The following COL5A1 variants were observed in gnomAD, a reference collection of about 807,000 sequenced individuals.
COL5A1 encodes the protein collagen type V alpha 1 chain.
Under a neutral mutation model 263.7 loss-of-function variants are expected in COL5A1, and 16 were observed. That is an observed-to-expected ratio of 0.06 (90% CI 0.04 to 0.09). The LOEUF is 0.09. COL5A1 is among the 10% of genes least tolerant of loss of function. COL5A1 has a pLI of 1.00. For synonymous variants in COL5A1, 1,012 were observed against 1,004.5 expected, an observed-to-expected ratio of 1.01 and a Z score of -0.14; for missense variants, 2,036 against 2,540.5, an observed-to-expected ratio of 0.80 and a Z score of 4.27.
chr9:134,806,339 G>T lies in COL5A1; in HGVS notation c.3366+43G>T, dbSNP rs370150486. ...TTGGGGGAGCCCTTCCCTCAGAGAT[G>T]CTGGGGTCGTTCCGTGTCTGGCCTT... is the stretch of plus-strand genomic sequence containing the variant. On this transcript the variant is annotated intron_variant, in intron 42 of 65. Coordinates refer to ENST00000371817, the MANE Select transcript of COL5A1 (RefSeq NM_000093.5). The T allele has an allele frequency of 5.7e-6, 8 of 1,403,906 alleles. No homozygotes were observed. The South Asian group carries it at 9.9e-5, about 17-fold the overall frequency. 87.0% of individuals were successfully genotyped at this position (1,403,906 alleles called of 1,614,324 possible).
chr9:134,805,128 G>T (rs201582570), intron 40 of COL5A1, 33 bp from the exon 41 acceptor site: 2 of 1,613,866 alleles, frequency 1.2e-6, no homozygotes, highest in Non-Finnish European at 1.7e-6. Flanking sequence ...CTCTCCCCAC[G>T]TGCCCTTGAC....
At chr9:134,766,872 T>C in intron 22 of COL5A1, 128 bp from the exon 23 acceptor site, 1 of 942,340 alleles carries the variant, frequency 1.1e-6, no homozygotes, top group Non-Finnish European at 1.7e-6. Flanking sequence ...GCCTTTCCCT[T>C]CCCGCTGGCA....
chr9:134,826,044 C>T (rs904752370), intron 63 of COL5A1, 140 bp downstream of exon 63: 1 of 584,914 alleles, frequency 1.7e-6, no homozygotes, highest in Non-Finnish European at 3.1e-6. Flanking sequence ...TGAAACTGTT[C>T]TTTCAGAAGT....
At chr9:134,731,425 C>A in intron 7 of COL5A1, 71 bp from the exon 8 acceptor site, 1 of 1,526,292 alleles carries the variant, frequency 6.6e-7, no homozygotes, top group Non-Finnish European at 9.0e-7. Context: ...CAGTGCCCGC[C>A]CAGGGCCTGA....
chr9:134,760,297 ACC>A (rs1186561511), intron 18 of COL5A1, among the ~76,000 whole-genome samples: 1 of 46,690 alleles, frequency 2.1e-5, no homozygotes, highest in Non-Finnish European at 3.6e-5. Context: ...ACACCCCCAC[ACC>A]CCCCACACAT....
In COL5A1 at chr9:134,758,335, G is replaced by A. The variant is rs1466851481; in HGVS notation, c.1935+39G>A. The A allele has an allele frequency of 6.2e-7, 1 of 1,602,606 alleles. No individual in the cohort carries two copies. The highest frequency in any genetic ancestry group is 2.2e-5 in the East Asian group (1 of 44,822). ...CTGTGAGACACAGGCATGACGATGG[G>A]CAGCAGAGGTGTCTCTCGGGAGGCC... is the stretch of plus-strand genomic sequence containing the variant. On this transcript the variant is annotated intron_variant, in intron 18 of 65. Coordinates refer to ENST00000371817, the MANE Select transcript of COL5A1 (RefSeq NM_000093.5). The surrounding 1 kb of genome is among the most constrained non-coding windows in gnomAD (Gnocchi z 4.1).
At chr9:134,810,513 GA>G (rs1838484563) in intron 44 of COL5A1, 1 of 583,956 alleles carries the variant, frequency 1.7e-6, no homozygotes, top group Non-Finnish European at 3.1e-6. Context: ...CTCTGTGTTA[GA>G]ATGAACAGGA....
intron 28 of COL5A1, among the ~76,000 whole-genome samples, chr9:134,780,794 C>T (rs1285307981): frequency 3.9e-5 from 6 of 152,238 alleles, no homozygotes; most frequent in Non-Finnish European, 7.3e-5. Context: ...TTTCTCTTCT[C>T]ACTGTGGTGG....
intron 21 of COL5A1, among the ~76,000 whole-genome samples, chr9:134,766,043 G>T (rs559919778): frequency 1.3e-5 from 2 of 152,316 alleles, no homozygotes; most frequent in South Asian, 4.1e-4. Flanking sequence ...AGGATGTCAC[G>T]TTTCTTCCCT....
chr9:134,812,074 T>C (rs1193253117), intron 46 of COL5A1, among the ~76,000 whole-genome samples: 1 of 152,222 alleles, frequency 6.6e-6, no homozygotes, highest in African/African-American at 2.4e-5. Context: ...TACGAGTGTG[T>C]TGAATGCCAT....
intron 11 of COL5A1, among the ~76,000 whole-genome samples, chr9:134,749,237 A>G (rs1835686695): frequency 6.6e-6 from 1 of 152,158 alleles, no homozygotes; most frequent in East Asian, 1.9e-4. Context: ...TCTGTCTCAA[A>G]ACAAAACAAA....
chr9:134,835,260 C>A, intron 65 of COL5A1, 56 bp downstream of exon 65: 1 of 1,483,394 alleles, frequency 6.7e-7, no homozygotes, highest in African/African-American at 1.4e-5. Context: ...GGGGCTCGCT[C>A]CTCACTCAGC....
intron 49 of COL5A1, among the ~76,000 whole-genome samples, chr9:134,814,387 C>G (rs527452414): frequency 6.6e-6 from 1 of 152,332 alleles, no homozygotes; most frequent in African/African-American, 2.4e-5. Context: ...GATGAATGTT[C>G]ACTATGAGGC....
At chr9:134,767,254 G>A in intron 23 of COL5A1, 56 bp from the exon 24 acceptor site, 6 of 1,572,248 alleles carry the variant, frequency 3.8e-6, no homozygotes, top group Non-Finnish European at 5.3e-6. Flanking sequence ...GGCAGGGGAG[G>A]GTTCTGAGTC....
At chr9:134,727,426 G>A in intron 5 of COL5A1, 29 bp downstream of exon 5, 5 of 1,613,734 alleles carry the variant, frequency 3.1e-6, no homozygotes, top group Non-Finnish European at 4.2e-6. Flanking sequence ...GGATCTTGGG[G>A]AGCATGAGCA....
At chr9:134,804,533 C>A (rs1008813341) in intron 39 of COL5A1, among the ~76,000 whole-genome samples, 1 of 152,218 alleles carries the variant, frequency 6.6e-6, no homozygotes, top group African/African-American at 2.4e-5. Flanking sequence ...CCCTCAGCTC[C>A]CACATGGCCC....
chr9:134,811,665 C>T, intron 46 of COL5A1, 66 bp downstream of exon 46: 3 of 1,293,706 alleles, frequency 2.3e-6, no homozygotes, highest in Admixed American at 2.0e-5. Context: ...CTTCATTGTG[C>T]TCTCTCCTCT....
chr9:134,836,877 C>G (rs968334473), intron 65 of COL5A1, among the ~76,000 whole-genome samples: 10 of 152,240 alleles, frequency 6.6e-5, no homozygotes, highest in African/African-American at 2.4e-5. Context: ...CTGCCTTCTG[C>G]GATTGGTTGG....
chr9:134,724,595 A>C (rs546571375), intron 4 of COL5A1, among the ~76,000 whole-genome samples: 25 of 152,370 alleles, frequency 1.6e-4, no homozygotes, highest in African/African-American at 5.3e-4. Flanking sequence ...GGAAGAGAGC[A>C]GCCCTCGGAA....
Sources: gnomAD v4.1 joint callset for allele counts (sites outside exome capture counted in the v4.1 genomes callset) on GRCh38, gnomAD v4.1.1 for gene constraint, Gnocchi (gnomAD v3.1) non-coding constraint, MANE v1.5 for transcripts, NCBI Gene and HGNC (gene_info 2026-07-23, HGNC 2026-07-21) for gene names.